SUGCT: variants seen among roughly 807,000 people sequenced by gnomAD.
SUGCT encodes succinyl-CoA:glutarate-CoA transferase.
A neutral mutation model predicts 55.0 loss-of-function variants in SUGCT; 41 were observed. The ratio of observed to expected loss-of-function variants is 0.74; its 90% CI spans 0.58 to 0.97. The LOEUF is 0.97. Ranked by LOEUF, SUGCT falls within the 50% of genes least tolerant of loss-of-function variation. The pLI, the probability that SUGCT is intolerant of heterozygous loss-of-function variation, is 0.00. For missense variants in SUGCT, 568 were observed against 547.8 expected (o/e 1.04, Z -0.37); for synonymous variants, 187 against 200.4 (o/e 0.93, Z 0.56).
At chr7:40,225,923 A>G (rs1400988705) in intron 6 of SUGCT, among the ~76,000 whole-genome samples, 4 of 152,320 alleles carry the variant, frequency 2.6e-5, no homozygotes, top group African/African-American at 7.2e-5. Flanking sequence ...TTTACTTTGT[A>G]TAGTTCTTGT....
Position 40,289,442 on chromosome 7 carries a change from A to G in SUGCT, c.720+14786A>G, listed in dbSNP as rs117841416. ...GGCCTAATTTGAACAATGGTAAAATAGAGCAATTGTAACAATATATTATAA... is the reference window on the plus strand; with the variant it reads ...GGCCTAATTTGAACAATGGTAAAATGGAGCAATTGTAACAATATATTATAA... On this transcript the variant is annotated intron_variant, in intron 8 of 13. Transcript: ENST00000335693. Among the ~76,000 whole-genome samples the G allele has an allele frequency of 1.3e-3, 192 of 152,314 alleles. 2 individuals carry two copies. The East Asian group carries it at 0.025, about 20-fold the overall frequency.
chr7:40,768,035 C>T (rs1721502124), intron 13 of SUGCT, among the ~76,000 whole-genome samples: 1 of 152,180 alleles, frequency 6.6e-6, no homozygotes, highest in African/African-American at 2.4e-5. Context: ...TGAGGACTGG[C>T]CATGGGTCAT....
At chr7:40,386,108 G>A (rs371091378) in intron 9 of SUGCT, among the ~76,000 whole-genome samples, 1 of 152,134 alleles carries the variant, frequency 6.6e-6, no homozygotes. Context: ...CACTGTACTA[G>A]GACACAGATG....
Position 40,599,136 on chromosome 7 carries a change from A to G in SUGCT, c.1089+102750A>G, listed in dbSNP as rs190728761. The stretch of plus-strand genomic sequence containing the variant: ...GGTCTGTTTTGTGGTCAGATGAGAG[A>G]GGGAGGTTGAAACCGACACTTTAAG... On this transcript the variant is annotated intron_variant, in intron 12 of 13. Coordinates refer to ENST00000335693, the MANE Select transcript of SUGCT (RefSeq NM_001193313.2). 2.8e-3 allele frequency among the ~76,000 whole-genome samples: 426 copies of G among 152,184 alleles called. 2 individuals carry two copies. Among genetic ancestry groups the G allele is most frequent in the African/African-American group, 7.2e-3 (301 of 41,524 alleles).
At chr7:40,288,506 C>G (rs1347105209) in intron 8 of SUGCT, among the ~76,000 whole-genome samples, 3 of 151,800 alleles carry the variant, frequency 2.0e-5, no homozygotes, top group Non-Finnish European at 4.4e-5. Flanking sequence ...TGGATAAAAA[C>G]TCATCAGTTA....
chr7:40,176,837 G>A (rs552096008), intron 1 of SUGCT, among the ~76,000 whole-genome samples: 2 of 151,830 alleles, frequency 1.3e-5, no homozygotes, highest in African/African-American at 2.4e-5. Context: ...ACTGGGCCTG[G>A]TGGCAGGTGC....
rs574596283 is a variant in SUGCT at position 40,651,174 on chromosome 7, A to G, written c.1090-98260A>G. ...CTTTGCTATTGTGAATAGTGCTGCA[A>G]TGAAAATATGTGTGCATGTATTCCC... On this transcript the variant is annotated intron_variant, in intron 12 of 13. Transcript: ENST00000335693. 2.0e-4 allele frequency among the ~76,000 whole-genome samples: 31 copies of G among 152,290 alleles called. 1 individual carries two copies. The highest frequency in any genetic ancestry group is 5.9e-4 in the Admixed American group (9 of 15,298).
At chr7:40,710,925 G>C (rs1240761587) in intron 12 of SUGCT, among the ~76,000 whole-genome samples, 1 of 152,198 alleles carries the variant, frequency 6.6e-6, no homozygotes, top group African/African-American at 2.4e-5. Context: ...AGCCGTTAAG[G>C]TGTTACAGGA....
chr7:40,415,302 G>A (rs1183032577), intron 9 of SUGCT, among the ~76,000 whole-genome samples: 3 of 148,320 alleles, frequency 2.0e-5, no homozygotes, highest in African/African-American at 7.4e-5. Flanking sequence ...GCCACATAAT[G>A]TGTAAAAAAA....
At chr7:40,509,110 C>T (rs1387086147) in intron 12 of SUGCT, among the ~76,000 whole-genome samples, 7 of 152,036 alleles carry the variant, frequency 4.6e-5, no homozygotes, top group Admixed American at 1.3e-4. Context: ...TAACAAAGTC[C>T]GTTGATTTCT....
intron 12 of SUGCT, among the ~76,000 whole-genome samples, chr7:40,565,993 G>GCA (rs376444246): frequency 0.033 from 4,068 of 123,898 alleles, 67 homozygotes; most frequent in African/African-American, 0.077. Flanking sequence ...ACACACACAC[G>GCA]CACACACACA....
At chr7:40,450,261 T>C (rs181575455) in intron 10 of SUGCT, among the ~76,000 whole-genome samples, 5 of 152,252 alleles carry the variant, frequency 3.3e-5, no homozygotes, top group African/African-American at 1.2e-4. Context: ...TTGATGTTTA[T>C]ATTAGTTATC....
At chr7:40,727,894 C>T (rs1219625863) in intron 12 of SUGCT, among the ~76,000 whole-genome samples, 1 of 152,116 alleles carries the variant, frequency 6.6e-6, no homozygotes, top group Non-Finnish European at 1.5e-5. Flanking sequence ...TGTTGTTAAA[C>T]AACTTTGTGA....
chr7:40,582,002 A>C (rs1797120914), intron 12 of SUGCT, among the ~76,000 whole-genome samples: 1 of 152,184 alleles, frequency 6.6e-6, no homozygotes, highest in Non-Finnish European at 1.5e-5. Flanking sequence ...GGAAATATAT[A>C]ATCTTTCTTC....
At chr7:40,227,382 G>GC (rs1788440588) in intron 6 of SUGCT, among the ~76,000 whole-genome samples, 1 of 152,034 alleles carries the variant, frequency 6.6e-6, no homozygotes. Flanking sequence ...TAAGATCCCA[G>GC]CCCAATAATG....
the SUGCT span, among the ~76,000 whole-genome samples, chr7:41,019,538 T>C: frequency 8.3e-4 from 127 of 152,392 alleles, 1 homozygote; most frequent in African/African-American, 3.0e-3. Flanking sequence ...GTTGTTTTTA[T>C]GGTCTTTATT....
intron 9 of SUGCT, among the ~76,000 whole-genome samples, chr7:40,397,907 C>T (rs554441516): frequency 6.6e-6 from 1 of 152,214 alleles, no homozygotes; most frequent in Admixed American, 6.5e-5. Context: ...CTGATGGCTG[C>T]CTACCTCAAA....
At chr7:40,260,951 T>C (rs982001132) in intron 7 of SUGCT, among the ~76,000 whole-genome samples, 2 of 152,216 alleles carry the variant, frequency 1.3e-5, no homozygotes, top group African/African-American at 4.8e-5. Flanking sequence ...TTCTGAATTT[T>C]ATTAAAGCAA....
intron 9 of SUGCT, among the ~76,000 whole-genome samples, chr7:40,358,609 A>C (rs1797990560): frequency 1.3e-5 from 2 of 151,928 alleles, no homozygotes; most frequent in Admixed American, 1.3e-4. Context: ...AGCTACTCGG[A>C]AGGTTGAAGC....
Sources: allele counts gnomAD v4.1 joint callset (sites outside exome capture counted in the v4.1 genomes callset), GRCh38; gene constraint gnomAD v4.1.1; transcripts MANE v1.5; gene names NCBI Gene and HGNC (gene_info 2026-07-23, HGNC 2026-07-21).